CHLSN: variants seen among roughly 807,000 people sequenced by gnomAD.
CHLSN encodes the protein cholesin.
the CHLSN span, among the ~76,000 whole-genome samples, chr7:1,030,816 T>C: frequency 9.9e-5 from 15 of 152,176 alleles, 1 homozygote; most frequent in South Asian, 3.1e-3. Flanking sequence ...GGTGGGGCTC[T>C]CTCTGGGCAG....
the CHLSN span, chr7:987,431 G>A: frequency 1.9e-6 from 3 of 1,592,052 alleles, no homozygotes; most frequent in Middle Eastern, 1.7e-4. Flanking sequence ...CCCTACACAA[G>A]CGCCGTGCTC....
chr7:1,069,014 C>T, the CHLSN span, among the ~76,000 whole-genome samples: 25,520 of 152,142 alleles, frequency 0.17, 2,279 homozygotes, highest in African/African-American at 0.19. Flanking sequence ...ACCAGACACC[C>T]GATCTTGCAA....
At chr7:983,517 G>A in the CHLSN span, 1 of 865,136 alleles carries the variant, frequency 1.2e-6, no homozygotes. Context: ...GCACGCAGGA[G>A]GCCGGAGGGC....
At chr7:1,113,177 C>A in the CHLSN span, among the ~76,000 whole-genome samples, 2 of 151,830 alleles carry the variant, frequency 1.3e-5, no homozygotes, top group East Asian at 3.8e-4. Flanking sequence ...CGTCGATGTC[C>A]TGGGGAAGCC....
chr7:1,068,244 G>A, the CHLSN span, among the ~76,000 whole-genome samples: 1 of 152,092 alleles, frequency 6.6e-6, no homozygotes, highest in Non-Finnish European at 1.5e-5. Context: ...TCCCCTCGTG[G>A]TGCTCACGCC....
the CHLSN span, among the ~76,000 whole-genome samples, chr7:985,672 C>T: frequency 2.6e-5 from 4 of 152,210 alleles, no homozygotes; most frequent in Admixed American, 6.5e-5. Flanking sequence ...CAGGCACCTT[C>T]CTGCTGACGC....
the CHLSN span, among the ~76,000 whole-genome samples, chr7:1,035,677 A>C: frequency 1.3e-5 from 2 of 152,184 alleles, no homozygotes. Context: ...GAATGCACTC[A>C]TCGCTGTGGG....
At chr7:1,019,795 A>C in the CHLSN span, among the ~76,000 whole-genome samples, 12 of 152,116 alleles carry the variant, frequency 7.9e-5, no homozygotes, top group African/African-American at 2.9e-4. Flanking sequence ...CTCCTGATGG[A>C]GTGTGGGGGG....
the CHLSN span, among the ~76,000 whole-genome samples, chr7:1,016,846 CACACA>C: frequency 5.8e-5 from 5 of 86,112 alleles, no homozygotes; most frequent in South Asian, 3.9e-4. Flanking sequence ...CGCACGCCAG[CACACA>C]GCAGCACACA....
chr7:1,127,397 G>C, the CHLSN span: 1 of 1,595,196 alleles, frequency 6.3e-7, no homozygotes, highest in Admixed American at 1.8e-5. Context: ...CTGCAACAGA[G>C]AAAGTAAATT....
At chr7:1,083,130 C>T in the CHLSN span, among the ~76,000 whole-genome samples, 2 of 152,244 alleles carry the variant, frequency 1.3e-5, no homozygotes, top group East Asian at 1.9e-4. Context: ...CCTGGCACGA[C>T]GCTCCCAGAG....
the CHLSN span, among the ~76,000 whole-genome samples, chr7:1,063,632 C>G: frequency 0.059 from 9,012 of 152,332 alleles, 385 homozygotes; most frequent in African/African-American, 0.11. Flanking sequence ...CGCACGCTCA[C>G]CAAGTGTGGT....
the CHLSN span, among the ~76,000 whole-genome samples, chr7:1,033,010 C>T: frequency 6.6e-6 from 1 of 152,182 alleles, no homozygotes; most frequent in Non-Finnish European, 1.5e-5. Flanking sequence ...GGACCCAGGC[C>T]ACGGACAGTC....
chr7:978,009 CACTT>C, the CHLSN span, among the ~76,000 whole-genome samples: 5 of 152,342 alleles, frequency 3.3e-5, no homozygotes, highest in Middle Eastern at 3.4e-3. Flanking sequence ...AGCGCTCACT[CACTT>C]GACTGCAGCA....
At chr7:987,478 G>A in the CHLSN span, 11 of 1,557,960 alleles carry the variant, frequency 7.1e-6, no homozygotes, top group African/African-American at 4.1e-5. Flanking sequence ...CCTGCCGCAC[G>A]TGCCCCGCTG....
the CHLSN span, chr7:1,026,826 T>C: frequency 6.6e-6 from 1 of 152,206 alleles, no homozygotes; most frequent in Non-Finnish European, 1.5e-5. Context: ...CTACGTGGAT[T>C]TTCCAGCGCG....
At chr7:1,103,036 C>A in the CHLSN span, among the ~76,000 whole-genome samples, 10 of 152,224 alleles carry the variant, frequency 6.6e-5, no homozygotes, top group Non-Finnish European at 1.3e-4. Context: ...CGGAGCCCAC[C>A]ACATGTCTGA....
At chr7:1,057,728 G>A in the CHLSN span, 4 of 775,346 alleles carry the variant, frequency 5.2e-6, no homozygotes, top group Non-Finnish European at 7.2e-6. Context: ...ACATGGCAGT[G>A]GCAGGCCTGG....
chr7:1,047,294 G>A, the CHLSN span, among the ~76,000 whole-genome samples: 1 of 152,200 alleles, frequency 6.6e-6, no homozygotes, highest in Non-Finnish European at 1.5e-5. Flanking sequence ...ATTATCCATG[G>A]AAAAAGAGAG....
Sources: allele counts gnomAD v4.1 joint callset (sites outside exome capture counted in the v4.1 genomes callset), GRCh38; gene constraint gnomAD v4.1.1; transcripts MANE v1.5; gene names NCBI Gene and HGNC (gene_info 2026-07-23, HGNC 2026-07-21).